MAT1A: variants seen among roughly 807,000 people sequenced by gnomAD.
MAT1A encodes S-adenosylmethionine synthase isoform type-1.
In MAT1A, 19 loss-of-function variants were observed where a neutral mutation model predicts 44.0. That is an observed-to-expected ratio of 0.43 (90% CI 0.30 to 0.63). MAT1A has a LOEUF of 0.63. Among genes scored for constraint, MAT1A ranks in the 30% least tolerant of loss-of-function variants. The pLI is 0.12. For synonymous variants in MAT1A, 205 were observed against 205.6 expected (o/e 1.00, Z 0.03); for missense variants, 397 against 531.0 (o/e 0.75, Z 2.48).
At chr10:80,287,803 C>T (rs1165194584) in intron 1 of MAT1A, among the ~76,000 whole-genome samples, 2 of 152,210 alleles carry the variant, frequency 1.3e-5, no homozygotes, top group African/African-American at 2.4e-5. Context: ...AGGCTATTTA[C>T]ATTGAACTGA....
Position 80,276,512 on chromosome 10 carries a change from T to C in MAT1A, c.632A>G (p.Glu211Gly), listed in dbSNP as rs754539502. 1.9e-6 allele frequency: 3 copies of C among 1,614,144 alleles called. No homozygotes were observed. Among genetic ancestry groups the C allele is most frequent in the Non-Finnish European group, 2.5e-6 (3 of 1,180,038 alleles). The change falls in exon 6 of 9, where the codon GAA (glutamate) becomes GGA (glycine). Residue 211 changes from glutamate (E) to glycine (G), a missense_variant. By Grantham distance (98) the Glu-to-Gly change is moderately conservative (BLOSUM62 -2). Coordinates refer to ENST00000372213, the MANE Select transcript of MAT1A (RefSeq NM_000429.3). ...HTIVISVQHN[E>G]DITLEEMRRA... is the part of the protein sequence containing the mutation. ...GCGCATCTCCTCCAGCGTGATGTCT[T>C]CGTTGTGCTGCACAGAGATGACGAT...
chr10:80,289,557 CTTCT>C lies in MAT1A; in HGVS notation c.-138_-135del. The C allele has an allele frequency of 1.4e-6, 1 of 729,590 alleles. No individual in the cohort carries two copies. The highest frequency in any genetic ancestry group is 1.5e-5 in the South Asian group (1 of 68,028). 45.2% of individuals were successfully genotyped at this position (729,590 alleles called of 1,614,324 possible). On this transcript the variant is annotated 5_prime_UTR_variant, in exon 1 of 9. Transcript: ENST00000372213. ...GTCTTTGGCAGAGCCACGGGGATCA[CTTCT>C]GCCTAACTGCCTGTGAGCACGTGAG...
Position 80,276,537 on chromosome 10 carries a change from T to C in MAT1A, c.607A>G (p.Ile203Val), listed in dbSNP as rs1841487898. The C allele has an allele frequency of 1.2e-6, 2 of 1,613,978 alleles. No individual in the cohort carries two copies. The highest frequency in any genetic ancestry group is 1.7e-6 in the Non-Finnish European group (2 of 1,180,034). Residue 203 changes from isoleucine to valine, a missense_variant, in exon 6 of 9, where the codon ATC (isoleucine) becomes GTC (valine). By Grantham distance (29) the Ile-to-Val change is conservative (BLOSUM62 3). Transcript: ENST00000372213. Reference protein sequence around the residue: ...GAVIPVRIHTIVISVQHNEDI... With the variant: ...GAVIPVRIHTVVISVQHNEDI... ...TCGTTGTGCTGCACAGAGATGACGA[T>C]GGTGTGGATGCGCACAGGGATGACT...
chr10:80,282,969 G>A (rs1032244244), intron 3 of MAT1A, among the ~76,000 whole-genome samples: 1 of 152,188 alleles, frequency 6.6e-6, no homozygotes, highest in Non-Finnish European at 1.5e-5. Flanking sequence ...CTGGAAGTGG[G>A]TCTTTTTGCC....
chr10:80,285,789 G>A (rs770168461), intron 1 of MAT1A, among the ~76,000 whole-genome samples, 200 bp from the exon 2 acceptor site: 3 of 151,240 alleles, frequency 2.0e-5, no homozygotes, highest in Non-Finnish European at 4.4e-5. Flanking sequence ...TGGATGACAC[G>A]TATTATATAA....
At chr10:80,288,265 T>A (rs1841675346) in intron 1 of MAT1A, among the ~76,000 whole-genome samples, 1 of 152,072 alleles carries the variant, frequency 6.6e-6, no homozygotes, top group South Asian at 2.1e-4. Context: ...CCCCCAGGGG[T>A]CTCCAAGAGC....
chr10:80,284,153 G>A lies in MAT1A; in HGVS notation c.170-115C>T, dbSNP rs1241622113. ...AAAGACACAGGAGGGGCCTTACGAGGAATGGATTCCAGAAGGAAAATAGAA... is the reference window on the plus strand; with the variant it reads ...AAAGACACAGGAGGGGCCTTACGAGAAATGGATTCCAGAAGGAAAATAGAA... On this transcript the variant is annotated intron_variant, in intron 2 of 8. Transcript: ENST00000372213. 1.3e-5 allele frequency: 18 copies of A among 1,356,984 alleles called. No homozygotes were observed. The East Asian group carries it at 4.2e-4, about 32-fold the overall frequency. 84.1% of individuals were successfully genotyped at this position (1,356,984 alleles called of 1,614,324 possible).
At chr10:80,281,721 C>T (rs893614351) in intron 3 of MAT1A, among the ~76,000 whole-genome samples, 1 of 152,198 alleles carries the variant, frequency 6.6e-6, no homozygotes, top group African/African-American at 2.4e-5. Context: ...ATCCAAGCTG[C>T]TGTTTCTGTA....
intron 1 of MAT1A, among the ~76,000 whole-genome samples, 189 bp downstream of exon 1, chr10:80,289,144 T>C (rs1383457573): frequency 6.6e-6 from 1 of 152,236 alleles, no homozygotes; most frequent in African/African-American, 2.4e-5. Context: ...GTAGTCAATG[T>C]CTGTGGCAAT....
Position 80,272,504 on chromosome 10 carries a change from G to C in MAT1A, c.*1277C>G, listed in dbSNP as rs1265610720. The C allele has an allele frequency of 1.3e-5, 2 of 152,172 alleles. No homozygotes were observed. The highest frequency in any genetic ancestry group is 4.8e-5 in the African/African-American group (2 of 41,390). The allele number at this position is 152,172 out of a possible 1,614,324, so 9.4% of individuals were successfully genotyped here. A position where few individuals can be genotyped will look rare whatever the true frequency, so the allele number is the denominator to read the frequency against. ...TGTCCAACACCAGAAGGCAAGCCCC[G>C]CCTATTTAACATGAGGCCATAGGAC... On this transcript the variant is annotated 3_prime_UTR_variant, in exon 9 of 9. Transcript: ENST00000372213.
At chr10:80,280,360 G>A in intron 4 of MAT1A, 44 bp from the exon 5 acceptor site, 1 of 1,611,154 alleles carries the variant, frequency 6.2e-7, no homozygotes, top group Non-Finnish European at 8.5e-7. Context: ...CCTAGACCAA[G>A]AGGACCGCAG....
intron 7 of MAT1A, 118 bp from the exon 8 acceptor site, chr10:80,274,771 C>A: frequency 1.4e-6 from 2 of 1,398,212 alleles, no homozygotes; most frequent in Non-Finnish European, 2.0e-6. Flanking sequence ...GCCCCACATG[C>A]TCCCCTGCAA....
intron 3 of MAT1A, among the ~76,000 whole-genome samples, chr10:80,280,998 G>A (rs1036600729): frequency 5.9e-5 from 9 of 152,110 alleles, no homozygotes; most frequent in Admixed American, 3.9e-4. Flanking sequence ...GAACTCTTTG[G>A]CCAACCAAAA....
chr10:80,280,582 G>A (rs1841553335), intron 4 of MAT1A, 98 bp downstream of exon 4: 1 of 1,160,444 alleles, frequency 8.6e-7, no homozygotes, highest in South Asian at 1.2e-5. Context: ...TGGCTATCGT[G>A]CTAGGACAAG....
chr10:80,287,996 T>G (rs1487307462), intron 1 of MAT1A, among the ~76,000 whole-genome samples: 1 of 152,184 alleles, frequency 6.6e-6, no homozygotes, highest in Non-Finnish European at 1.5e-5. Context: ...TTGTGATAAC[T>G]GCAAATGTCT....
chr10:80,280,300 T>C lies in MAT1A; in HGVS notation c.422A>G (p.Tyr141Cys), dbSNP rs1841547592. The C allele has an allele frequency of 2.5e-6, 4 of 1,614,002 alleles. No homozygotes were observed. Among genetic ancestry groups the C allele is most frequent in the East Asian group, 2.2e-5 (1 of 44,864 alleles). The stretch of plus-strand genomic sequence containing the variant: ...GCACTCCTCTGTCTCGTCGGTAGCA[T>C]AGCCGAACATCAAACCCTGTGGCGA... ...GAGDQGLMFG[Y>C]ATDETEECMP... is the part of the protein sequence containing the mutation. The change falls in exon 5 of 9, where the codon TAT (tyrosine) becomes TGT (cysteine). Residue 141 changes from tyrosine (Y) to cysteine (C), a missense_variant. Transcript: ENST00000372213.
At position 80,273,864 on chromosome 10, in the gene MAT1A, G is replaced by A; in HGVS notation, c.1105C>T (p.Pro369Ser). 1 of 1,611,620 alleles carries A rather than the reference G, an allele frequency of 6.2e-7. No individual in the cohort carries two copies. The highest frequency in any genetic ancestry group is 8.5e-7 in the Non-Finnish European group (1 of 1,177,796). Reference protein sequence around the residue: ...VIVRDLDLKKPIYQKTACYGH... With the variant: ...VIVRDLDLKKSIYQKTACYGH... ...TAGCATGCTGTCTTCTGGTAGATGG[G>A]CTTCTTCAAGTCCAAATCCCTGCAT... Residue 369 changes from proline (P) to serine (S), a missense_variant, in exon 9 of 9, where the codon CCC becomes TCC. Transcript: ENST00000372213.
intron 8 of MAT1A, 31 bp from the exon 9 acceptor site, chr10:80,273,914 G>T: frequency 6.8e-7 from 1 of 1,465,166 alleles, no homozygotes; most frequent in Non-Finnish European, 9.6e-7. Flanking sequence ...AAGGGCATTG[G>T]AAGATGGAAC....
At chr10:80,279,556 G>A (rs891524532) in intron 5 of MAT1A, among the ~76,000 whole-genome samples, 5 of 152,066 alleles carry the variant, frequency 3.3e-5, no homozygotes, top group African/African-American at 1.2e-4. Flanking sequence ...ACAGGGGTGA[G>A]GTGCCAGGAG....
Sources: gnomAD v4.1 joint callset for allele counts (sites outside exome capture counted in the v4.1 genomes callset) on GRCh38, gnomAD v4.1.1 for gene constraint, MANE v1.5 for transcripts, NCBI Gene and HGNC (gene_info 2026-07-23, HGNC 2026-07-21) for gene names.